The following DNAH5 variants were observed in gnomAD, a reference collection of about 807,000 sequenced individuals.
DNAH5 encodes the protein dynein axonemal heavy chain 5, also known as axonemal beta dynein heavy chain 5.
In DNAH5, 372 loss-of-function variants were observed where a neutral mutation model predicts 518.2. That is an observed-to-expected ratio of 0.72 (90% CI 0.66 to 0.78). The LOEUF is 0.78. Among genes scored for constraint, DNAH5 ranks in the 30% least tolerant of loss-of-function variants. The pLI is 0.00. For missense variants in DNAH5, 5,523 were observed against 5,687.0 expected (o/e 0.97, Z 0.93); for synonymous variants, 2,039 against 2,025.9 (o/e 1.01, Z -0.17).
At chr5:13,991,583 G>GGAGGGGGAA (rs1783553202) in intron 1 of DNAH5, among the ~76,000 whole-genome samples, 1 of 147,358 alleles carries the variant, frequency 6.8e-6, no homozygotes, top group East Asian at 2.2e-4. Context: ...AGAAAGAGGA[G>GGAGGGGGAA]GAGGAGGGGG....
intron 11 of DNAH5, among the ~76,000 whole-genome samples, chr5:13,913,110 A>C (rs1438995650): frequency 6.6e-6 from 1 of 152,100 alleles, no homozygotes; most frequent in Admixed American, 6.5e-5. Flanking sequence ...ACTGTCCCCC[A>C]AAAAAGAAAA....
At position 13,809,934 on chromosome 5, in the gene DNAH5, C is replaced by T. The variant is rs1008221965; in HGVS notation, c.7609+125G>A. Reference sequence around the variant, plus strand: ...ACTGTTCACTTTCTTCACACACGAACGTTTTCATATCTTACAGCCAATAAT... The same window carrying T: ...ACTGTTCACTTTCTTCACACACGAATGTTTTCATATCTTACAGCCAATAAT... On this transcript the variant is annotated intron_variant, in intron 45 of 78. Transcript: ENST00000265104. 13 of 1,002,644 alleles carry T rather than the reference C, an allele frequency of 1.3e-5. No homozygotes were observed. In the African/African-American group the frequency reaches 1.8e-4, roughly 14 times the overall value. 62.1% of individuals were successfully genotyped at this position (1,002,644 alleles called of 1,614,324 possible). A position where few individuals can be genotyped will look rare whatever the true frequency, so the allele number is the denominator to read the frequency against.
intron 35 of DNAH5, among the ~76,000 whole-genome samples, chr5:13,835,714 T>C (rs1339863028): frequency 1.3e-5 from 2 of 152,134 alleles, no homozygotes; most frequent in African/African-American, 4.8e-5. Flanking sequence ...TAACCTACTG[T>C]TTTCCCCTGT....
intron 75 of DNAH5, among the ~76,000 whole-genome samples, chr5:13,712,284 T>G (rs1327834593): frequency 6.6e-6 from 1 of 152,308 alleles, no homozygotes; most frequent in Admixed American, 6.5e-5. Flanking sequence ...AGAATAAAAC[T>G]GGACCCTCAT....
chr5:13,901,631 C>T, intron 13 of DNAH5, 58 bp from the exon 14 acceptor site: 1 of 1,082,012 alleles, frequency 9.2e-7, no homozygotes. Context: ...ATAAAATACA[C>T]AATAAAAATA....
intron 68 of DNAH5, among the ~76,000 whole-genome samples, chr5:13,730,504 G>A (rs1380264961): frequency 1.3e-5 from 2 of 151,970 alleles, no homozygotes; most frequent in Non-Finnish European, 2.9e-5. Flanking sequence ...GCACGATCTC[G>A]GTTCACTGCA....
At chr5:13,743,951 T>A (rs1391909470) in intron 65 of DNAH5, among the ~76,000 whole-genome samples, 1 of 152,018 alleles carries the variant, frequency 6.6e-6, no homozygotes, top group Non-Finnish European at 1.5e-5. Context: ...CAAATAGAAC[T>A]ACCACATGAT....
chr5:13,896,385 C>T (rs1238490561), intron 15 of DNAH5, among the ~76,000 whole-genome samples: 5 of 152,046 alleles, frequency 3.3e-5, no homozygotes, highest in Non-Finnish European at 7.4e-5. Flanking sequence ...AGCCTCAGGG[C>T]CTTTGCACCT....
At chr5:13,865,929 C>A in intron 26 of DNAH5, 23 bp from the exon 27 acceptor site, 3 of 1,446,270 alleles carry the variant, frequency 2.1e-6, no homozygotes, top group South Asian at 2.3e-5. Context: ...CAAGTGAAAA[C>A]GCATCAAAAT....
Position 13,714,566 on chromosome 5 carries a change from T to C in DNAH5, c.12964A>G (p.Ile4322Val), listed in dbSNP as rs1311358449. 3.7e-6 allele frequency: 6 copies of C among 1,614,166 alleles called. No individual in the cohort carries two copies. Among genetic ancestry groups the C allele is most frequent in the East Asian group, 2.2e-5 (1 of 44,870 alleles). ...TTGGCCAGCTTGCTCTGGTAGGTGA[T>C]GTCAGCATTGGGGTGCAGCCCAAAC... ...EVFGLHPNAD[I>V]TYQSKLAKDV... The change falls in exon 75 of 79, where the codon ATC (isoleucine) becomes GTC (valine). Residue 4322 changes from isoleucine to valine, a missense_variant. Transcript: ENST00000265104.
At chr5:13,893,879 C>G (rs1773577168) in intron 16 of DNAH5, among the ~76,000 whole-genome samples, 1 of 147,118 alleles carries the variant, frequency 6.8e-6, no homozygotes, top group South Asian at 2.2e-4. Context: ...AAGACACTGG[C>G]TAGGAGAGGA....
intron 78 of DNAH5, among the ~76,000 whole-genome samples, chr5:13,700,268 C>G (rs193154067): frequency 1.4e-4 from 21 of 152,292 alleles, no homozygotes; most frequent in Non-Finnish European, 2.4e-4. Context: ...AAGCTCAGTC[C>G]AGGCCCAAAT....
chr5:13,947,333 T>C (rs1460911321), upstream of DNAH5, among the ~76,000 whole-genome samples: 1 of 152,200 alleles, frequency 6.6e-6, no homozygotes, highest in East Asian at 1.9e-4. Context: ...TCCCGTTCCA[T>C]ATGGCTTAAT....
intron 4 of DNAH5, 56 bp from the exon 5 acceptor site, chr5:13,922,384 A>G: frequency 1.4e-6 from 2 of 1,458,328 alleles, no homozygotes; most frequent in Non-Finnish European, 9.5e-7. Context: ...ATGCAACACA[A>G]CTACTAAGTC....
rs1055804839 is a variant in DNAH5 at position 13,931,095 on chromosome 5, T to G, written c.192+15A>C. 1 of 1,614,026 alleles carries G rather than the reference T, an allele frequency of 6.2e-7. No individual in the cohort carries two copies. The highest frequency in any genetic ancestry group is 8.5e-7 in the Non-Finnish European group (1 of 1,179,916). On this transcript the variant is annotated intron_variant, in intron 2 of 78. Coordinates refer to ENST00000265104, the MANE Select transcript of DNAH5 (RefSeq NM_001369.3). ...CCTCCATCATCAAGTCAGTGAGAAG[T>G]GAAACGCATCCCACCTGATTCCCTT...
intron 43 of DNAH5, among the ~76,000 whole-genome samples, chr5:13,812,983 C>T (rs528304401): frequency 6.6e-6 from 1 of 152,154 alleles, no homozygotes; most frequent in Non-Finnish European, 1.5e-5. Context: ...GTTGATGGAA[C>T]CGAAAGACGA....
chr5:13,956,335 G>A (rs930525071), intron 1 of DNAH5, among the ~76,000 whole-genome samples: 1 of 152,066 alleles, frequency 6.6e-6, no homozygotes, highest in Non-Finnish European at 1.5e-5. Flanking sequence ...CATATAACAG[G>A]TGCTCATTAA....
At chr5:13,846,547 G>A (rs990147648) in intron 31 of DNAH5, among the ~76,000 whole-genome samples, 9 of 152,170 alleles carry the variant, frequency 5.9e-5, no homozygotes, top group Admixed American at 2.6e-4. Context: ...GGGGTGTCCA[G>A]GCTGAGGACA....
chr5:14,009,243 G>C (rs146561849), intron 1 of DNAH5, among the ~76,000 whole-genome samples: 3 of 152,320 alleles, frequency 2.0e-5, no homozygotes, highest in Middle Eastern at 3.4e-3. Context: ...CGTGACTAAA[G>C]GAGAAAATGT....
Sources: gnomAD v4.1 joint callset for allele counts (sites outside exome capture counted in the v4.1 genomes callset) on GRCh38, gnomAD v4.1.1 for gene constraint, MANE v1.5 for transcripts, NCBI Gene and HGNC (gene_info 2026-07-23, HGNC 2026-07-21) for gene names.